ERBB4: variants seen among roughly 807,000 people sequenced by gnomAD.
ERBB4 encodes the protein erb-b2 receptor tyrosine kinase 4, also known as receptor tyrosine-protein kinase erbB-4.
ERBB4 carries 42 observed loss-of-function variants against 158.0 expected under a neutral mutation model. The ratio of observed to expected loss-of-function variants is 0.27; its 90% CI spans 0.21 to 0.34. The LOEUF is 0.34. Ranked by LOEUF, ERBB4 falls within the 10% of genes least tolerant of loss-of-function variation. The pLI, the probability that ERBB4 is intolerant of heterozygous loss-of-function variation, is 1.00. For missense variants in ERBB4, 1,333 were observed against 1,624.1 expected, an observed-to-expected ratio of 0.82 and a Z score of 3.08; for synonymous variants, 583 against 558.7, an observed-to-expected ratio of 1.04 and a Z score of -0.61.
chr2:212,033,538 C>T (rs2076948764), intron 2 of ERBB4, among the ~76,000 whole-genome samples: 1 of 151,564 alleles, frequency 6.6e-6, no homozygotes. Flanking sequence ...AATTATGTAA[C>T]CTTCATAATA....
intron 1 of ERBB4, among the ~76,000 whole-genome samples, chr2:212,140,548 G>A (rs1413381233): frequency 2.7e-5 from 4 of 149,320 alleles, no homozygotes; most frequent in African/African-American, 9.8e-5. Flanking sequence ...TTAGGAAAGG[G>A]TAAACAGACA....
At chr2:212,415,868 G>A (rs1377899783) in intron 1 of ERBB4, among the ~76,000 whole-genome samples, 5 of 152,058 alleles carry the variant, frequency 3.3e-5, no homozygotes, top group Non-Finnish European at 5.9e-5. Flanking sequence ...AACATCCAAC[G>A]AATAGAAAGT....
At chr2:211,863,075 ACT>A (rs1239517739) in intron 3 of ERBB4, among the ~76,000 whole-genome samples, 1 of 151,406 alleles carries the variant, frequency 6.6e-6, no homozygotes, top group African/African-American at 2.4e-5. Flanking sequence ...ACCAATCAGC[ACT>A]CTGTGTCTAG....
chr2:211,545,586 T>C (rs189562260), intron 20 of ERBB4, among the ~76,000 whole-genome samples: 3 of 152,240 alleles, frequency 2.0e-5, no homozygotes, highest in East Asian at 3.9e-4. Flanking sequence ...CAACTCAGTC[T>C]GGCATTTAAT....
intron 2 of ERBB4, among the ~76,000 whole-genome samples, chr2:212,052,245 C>T (rs1358581764): frequency 6.6e-6 from 1 of 152,190 alleles, no homozygotes; most frequent in Non-Finnish European, 1.5e-5. Flanking sequence ...CCTAGCTCTT[C>T]AGCTTCTGGA....
At chr2:211,583,872 A>G (rs948467325) in intron 19 of ERBB4, among the ~76,000 whole-genome samples, 1 of 151,496 alleles carries the variant, frequency 6.6e-6, no homozygotes, top group Non-Finnish European at 1.5e-5. Context: ...GAAATAAGAA[A>G]TAAATTATTC....
chr2:211,705,280 A>G, intron 10 of ERBB4, 38 bp downstream of exon 10: 7 of 1,376,728 alleles, frequency 5.1e-6, no homozygotes, highest in Non-Finnish European at 6.2e-6. Flanking sequence ...AAAAAATTAT[A>G]TTGTTCATAG....
chr2:211,405,588 T>G (rs1488705769), intron 25 of ERBB4, among the ~76,000 whole-genome samples: 2 of 152,106 alleles, frequency 1.3e-5, no homozygotes, highest in African/African-American at 4.8e-5. Flanking sequence ...TCATCTTCCT[T>G]TCTGAATTCA....
intron 3 of ERBB4, among the ~76,000 whole-genome samples, chr2:211,881,896 T>C (rs1361706910): frequency 6.6e-6 from 1 of 152,176 alleles, no homozygotes; most frequent in East Asian, 1.9e-4. Context: ...ACGAAGCAGC[T>C]TCAGTGGCAG....
intron 20 of ERBB4, among the ~76,000 whole-genome samples, chr2:211,557,311 CCA>C (rs1439826623): frequency 3.9e-5 from 6 of 152,182 alleles, no homozygotes; most frequent in Middle Eastern, 6.8e-3. Flanking sequence ...AAGAAACTAT[CCA>C]CAGAGTGAAA....
At chr2:212,043,841 G>C (rs1317875462) in intron 2 of ERBB4, among the ~76,000 whole-genome samples, 1 of 151,960 alleles carries the variant, frequency 6.6e-6, no homozygotes, top group Non-Finnish European at 1.5e-5. Context: ...ATCTTGTCAG[G>C]TTACCAGAAG....
rs772699479 is a variant in ERBB4, at chr2:211,383,711, A to G, written c.3831T>C (p.Ile1277=). 6.2e-7 allele frequency: 1 copy of G among 1,614,058 alleles called. No homozygotes were observed. The highest frequency in any genetic ancestry group is 1.1e-5 in the South Asian group (1 of 91,080). ...FYKQNGRIRP[I]VAENPEYLSE... is the part of the protein sequence containing the mutation. ...AGAGGTATTCAGGATTCTCTGCCAC[A>G]ATAGGCCGGATCCGCCCATTCTGTT... Residue 1277 remains isoleucine, a synonymous_variant, in exon 28 of 28, where the codon ATT becomes ATC. Coordinates refer to ENST00000342788, the MANE Select transcript of ERBB4 (RefSeq NM_005235.3).
intron 1 of ERBB4, among the ~76,000 whole-genome samples, chr2:212,267,699 T>C (rs767385434): frequency 1.1e-4 from 16 of 151,374 alleles, no homozygotes; most frequent in African/African-American, 1.5e-4. Context: ...GATGCACCCA[T>C]TAACTCTTCA....
intron 15 of ERBB4, among the ~76,000 whole-genome samples, chr2:211,660,141 C>T (rs1306072991): frequency 6.6e-6 from 1 of 152,042 alleles, no homozygotes; most frequent in Non-Finnish European, 1.5e-5. Flanking sequence ...TAGGTGGGAG[C>T]CAGATTTTGA....
At chr2:211,999,300 T>C (rs934422006) in intron 2 of ERBB4, among the ~76,000 whole-genome samples, 2 of 151,842 alleles carry the variant, frequency 1.3e-5, no homozygotes, top group African/African-American at 2.4e-5. Context: ...TTTAAAATCA[T>C]TAGCATCAAT....
chr2:212,043,111 A>G (rs917801734), intron 2 of ERBB4, among the ~76,000 whole-genome samples: 2 of 152,174 alleles, frequency 1.3e-5, no homozygotes, highest in South Asian at 2.1e-4. Flanking sequence ...GACTGTTAGT[A>G]CCTTTATGCT....
intron 1 of ERBB4, among the ~76,000 whole-genome samples, chr2:212,336,092 C>T (rs1471326478): frequency 6.6e-6 from 1 of 151,672 alleles, no homozygotes; most frequent in African/African-American, 2.4e-5. Flanking sequence ...GGATACATGG[C>T]GGAGGGTCGT....
At chr2:211,492,273 T>G (rs778773137) in intron 20 of ERBB4, among the ~76,000 whole-genome samples, 2 of 152,068 alleles carry the variant, frequency 1.3e-5, no homozygotes, top group African/African-American at 2.4e-5. Context: ...TATTCTGATT[T>G]TGGGGGGAGC....
chr2:212,127,465 G>T (rs2079972913), intron 1 of ERBB4, among the ~76,000 whole-genome samples: 1 of 152,104 alleles, frequency 6.6e-6, no homozygotes, highest in African/African-American at 2.4e-5. Flanking sequence ...GGTGGCGGGT[G>T]CCTGTAGTCC....
Sources: gnomAD v4.1 joint callset for allele counts (sites outside exome capture counted in the v4.1 genomes callset) on GRCh38, gnomAD v4.1.1 for gene constraint, MANE v1.5 for transcripts, NCBI Gene and HGNC (gene_info 2026-07-23, HGNC 2026-07-21) for gene names.